GRID2: variants seen among roughly 807,000 people sequenced by gnomAD.
The protein encoded by GRID2 is glutamate receptor ionotropic, delta-2.
A neutral mutation model predicts 114.8 loss-of-function variants in GRID2; 33 were observed. The observed-to-expected ratio is 0.29, with a 90% CI of 0.22 to 0.38. The LOEUF is 0.38. GRID2 is among the 10% of genes least tolerant of loss of function. The probability of loss-of-function intolerance (pLI) is 1.00; values close to 1 mark genes in which losing one functional copy is unlikely to be tolerated. For missense variants in GRID2, 1,184 were observed against 1,257.7 expected, an observed-to-expected ratio of 0.94 and a Z score of 0.89; for synonymous variants, 505 against 449.9, an observed-to-expected ratio of 1.12 and a Z score of -1.55.
At chr4:93,589,219 A>G (rs1445514359) in intron 13 of GRID2, among the ~76,000 whole-genome samples, 2 of 113,932 alleles carry the variant, frequency 1.8e-5, no homozygotes, top group Admixed American at 2.3e-4. Context: ...ACCCCACAAC[A>G]GTCCCCAGTG....
At chr4:92,523,588 T>A (rs1724891922) in intron 1 of GRID2, among the ~76,000 whole-genome samples, 1 of 151,964 alleles carries the variant, frequency 6.6e-6, no homozygotes, top group Non-Finnish European at 1.5e-5. Flanking sequence ...GAGTCACTGG[T>A]AAAGGAATAA....
chr4:92,487,985 C>G (rs1057418842), intron 1 of GRID2, among the ~76,000 whole-genome samples: 11 of 151,836 alleles, frequency 7.2e-5, no homozygotes, highest in Non-Finnish European at 1.5e-4. Context: ...TTTGTTTTTC[C>G]TCTTTCTGAT....
intron 2 of GRID2, among the ~76,000 whole-genome samples, chr4:92,850,318 C>A (rs1217912080): frequency 3.3e-5 from 5 of 151,690 alleles, no homozygotes; most frequent in Non-Finnish European, 7.4e-5. Flanking sequence ...CACACCTGAA[C>A]AAATATTCTT....
intron 8 of GRID2, among the ~76,000 whole-genome samples, chr4:93,371,070 A>G (rs1338474725): frequency 1.3e-5 from 2 of 152,218 alleles, no homozygotes; most frequent in African/African-American, 2.4e-5. Flanking sequence ...TCGTTTATTC[A>G]GAAAGAACTT....
chr4:92,734,285 C>G (rs537383142), intron 2 of GRID2, among the ~76,000 whole-genome samples: 14 of 150,790 alleles, frequency 9.3e-5, no homozygotes, highest in Non-Finnish European at 1.5e-4. Context: ...ATTTTCTTTG[C>G]TTTACTTTAC....
At chr4:92,660,284 A>G (rs1732455884) in intron 2 of GRID2, among the ~76,000 whole-genome samples, 1 of 151,330 alleles carries the variant, frequency 6.6e-6, no homozygotes, top group South Asian at 2.1e-4. Context: ...AAAGAATAAG[A>G]ACAGATTTTT....
At position 93,184,573 on chromosome 4, in the gene GRID2, G is replaced by A. The variant is rs568116055; in HGVS notation, c.736-22831G>A. On this transcript the variant is annotated intron_variant, in intron 4 of 15. Transcript: ENST00000282020. ...ATATATTTCTCAAGTCCCTACAGCT[G>A]AACAAGTTCTTAAAAATATCAGGTC... Among the ~76,000 whole-genome samples, 8 of 148,530 alleles carry A rather than the reference G, an allele frequency of 5.4e-5. No individual in the cohort carries two copies. In the South Asian group the frequency reaches 1.7e-3, roughly 32 times the overall value.
At chr4:93,268,305 G>T (rs1448525827) in intron 8 of GRID2, among the ~76,000 whole-genome samples, 1 of 152,056 alleles carries the variant, frequency 6.6e-6, no homozygotes, top group African/African-American at 2.4e-5. Flanking sequence ...TGCACTTGTG[G>T]AGAGAGAGAG....
At chr4:93,095,908 T>C (rs1484642067) in intron 3 of GRID2, among the ~76,000 whole-genome samples, 1 of 152,056 alleles carries the variant, frequency 6.6e-6, no homozygotes, top group Non-Finnish European at 1.5e-5. Context: ...AAGCTGATCC[T>C]AACATTGTGT....
chr4:93,433,159 T>G (rs1769585104), intron 10 of GRID2, among the ~76,000 whole-genome samples: 1 of 152,208 alleles, frequency 6.6e-6, no homozygotes, highest in Non-Finnish European at 1.5e-5. Flanking sequence ...CACTTTCTGC[T>G]CAATTTTTCT....
At chr4:93,063,292 G>C (rs1727970062) in intron 2 of GRID2, among the ~76,000 whole-genome samples, 2 of 151,864 alleles carry the variant, frequency 1.3e-5, no homozygotes, top group South Asian at 4.1e-4. Context: ...GTATATGAAG[G>C]ATTCTGTTTC....
chr4:92,306,281 G>A (rs183827743), intron 1 of GRID2, among the ~76,000 whole-genome samples: 8 of 152,336 alleles, frequency 5.3e-5, no homozygotes, highest in Admixed American at 4.6e-4. Context: ...AAAACCTAGC[G>A]TTTGTGCATT....
Position 92,304,628 on chromosome 4 carries a change from A to G in GRID2, c.-29A>G. ...AAAAAAAAAAATTGGAAGAAAATCCATCCTCCAAGAGAATCGGCATAGGAG... is the reference window on the plus strand; with the variant it reads ...AAAAAAAAAAATTGGAAGAAAATCCGTCCTCCAAGAGAATCGGCATAGGAG... On this transcript the variant is annotated 5_prime_UTR_variant, in exon 1 of 16. Transcript: ENST00000282020. 1.3e-6 allele frequency: 2 copies of G among 1,494,470 alleles called. No homozygotes were observed. Among genetic ancestry groups the G allele is most frequent in the Non-Finnish European group, 1.9e-6 (2 of 1,072,456 alleles). The allele number at this position is 1,494,470 out of a possible 1,614,324, so 92.6% of individuals were successfully genotyped here.
intron 1 of GRID2, among the ~76,000 whole-genome samples, chr4:92,577,896 C>T (rs965393927): frequency 6.6e-6 from 1 of 151,866 alleles, no homozygotes; most frequent in Non-Finnish European, 1.5e-5. Context: ...ACATTTTGGG[C>T]GGTAAGCAAA....
chr4:92,910,325 A>C (rs985355726), intron 2 of GRID2, among the ~76,000 whole-genome samples: 9 of 152,144 alleles, frequency 5.9e-5, no homozygotes, highest in South Asian at 2.1e-4. Flanking sequence ...CCTGCTGAGC[A>C]GATCTGAGGT....
chr4:93,131,571 G>C (rs1320188937), intron 4 of GRID2, among the ~76,000 whole-genome samples: 1 of 149,392 alleles, frequency 6.7e-6, no homozygotes, highest in African/African-American at 2.5e-5. Context: ...CATTATCCAG[G>C]TTGAAATTTT....
At chr4:92,318,705 C>A (rs1726143365) in intron 1 of GRID2, among the ~76,000 whole-genome samples, 1 of 151,676 alleles carries the variant, frequency 6.6e-6, no homozygotes, top group African/African-American at 2.4e-5. Flanking sequence ...AACTCCTGAG[C>A]TCAAATGATC....
intron 2 of GRID2, among the ~76,000 whole-genome samples, chr4:93,053,883 C>T (rs561517806): frequency 6.6e-6 from 1 of 151,968 alleles, no homozygotes; most frequent in East Asian, 1.9e-4. Flanking sequence ...ATGTTATATT[C>T]CTTTTTTGTG....
chr4:92,710,559 A>G (rs1735197018), intron 2 of GRID2, among the ~76,000 whole-genome samples: 1 of 152,194 alleles, frequency 6.6e-6, no homozygotes, highest in East Asian at 1.9e-4. Context: ...TGTCCTGGTG[A>G]CGACTACACT....
Sources: allele counts gnomAD v4.1 joint callset (sites outside exome capture counted in the v4.1 genomes callset), GRCh38; gene constraint gnomAD v4.1.1; transcripts MANE v1.5; gene names NCBI Gene and HGNC (gene_info 2026-07-23, HGNC 2026-07-21).